The following IFT74 variants were observed in gnomAD, a reference collection of about 807,000 sequenced individuals.
The protein encoded by IFT74 is intraflagellar transport protein 74 homolog.
A neutral mutation model predicts 96.7 loss-of-function variants in IFT74; 92 were observed. The ratio of observed to expected loss-of-function variants is 0.95; its 90% CI spans 0.80 to 1.13. The LOEUF is 1.13. Ranked by LOEUF, IFT74 falls within the 50% of genes most tolerant of loss-of-function variation. The pLI, the probability that IFT74 is intolerant of heterozygous loss-of-function variation, is 0.00. For missense variants in IFT74, 811 were observed against 698.2 expected (o/e 1.16, Z -1.82); for synonymous variants, 223 against 213.2 (o/e 1.05, Z -0.40).
chr9:27,048,489 T>C (rs1307442843), intron 16 of IFT74, among the ~76,000 whole-genome samples: 1 of 152,220 alleles, frequency 6.6e-6, no homozygotes, highest in African/African-American at 2.4e-5. Flanking sequence ...AAGCCTGTGC[T>C]ATATAATTCT....
intron 8 of IFT74, 72 bp downstream of exon 8, chr9:26,990,267 ATTTCCTTGTAAAT>A: frequency 1.4e-6 from 1 of 732,136 alleles, no homozygotes; most frequent in Non-Finnish European, 2.1e-6. Context: ...TGATCCAGTT[ATTTCCTTGTAAAT>A]TTTCTTAACA....
chr9:27,052,589 C>A, intron 16 of IFT74, among the ~76,000 whole-genome samples: 1 of 149,976 alleles, frequency 6.7e-6, no homozygotes, highest in East Asian at 2.0e-4. Flanking sequence ...AAACTGGCTT[C>A]AATGGAGATA....
intron 4 of IFT74, among the ~76,000 whole-genome samples, chr9:26,982,084 G>GT (rs113300059): frequency 3.3e-5 from 5 of 151,204 alleles, no homozygotes; most frequent in South Asian, 2.1e-4. Flanking sequence ...AATCTTCTAT[G>GT]TTTTTTTTCA....
At chr9:26,960,806 C>T (rs940696737) in intron 1 of IFT74, among the ~76,000 whole-genome samples, 6 of 151,728 alleles carry the variant, frequency 4.0e-5, no homozygotes, top group African/African-American at 1.5e-4. Flanking sequence ...TGACAAGCTC[C>T]ATGTCTCGCC....
rs112977512 is a variant in IFT74, at chr9:26,989,113, G to A, written c.525+385G>A. Among the ~76,000 whole-genome samples the A allele has an allele frequency of 1.0e-3, 155 of 152,138 alleles. 1 individual carries two copies. The highest frequency in any genetic ancestry group is 2.0e-3 in the Non-Finnish European group (133 of 68,020). The stretch of plus-strand genomic sequence containing the variant: ...TTACATAGTTTTTGTCACCAGTGGA[G>A]AAAAATGAATAGATATGACTCCAGA... On this transcript the variant is annotated intron_variant, in intron 7 of 19. Transcript: ENST00000380062.
chr9:26,949,363 A>G (rs1202621031), intron 1 of IFT74, among the ~76,000 whole-genome samples: 1 of 152,196 alleles, frequency 6.6e-6, no homozygotes, highest in Non-Finnish European at 1.5e-5. Context: ...CCAGCTCTGG[A>G]GCCCAACTCA....
chr9:26,988,043 C>T lies in IFT74; in HGVS notation c.466-626C>T, dbSNP rs1052103588. On this transcript the variant is annotated intron_variant, in intron 6 of 19. Transcript: ENST00000380062. Reference sequence around the variant, plus strand: ...TCTCGGCTCACCGCAACCTCTGCTTCCCGGGTTCAAGCGATTCTCCTGCCT... The same window carrying T: ...TCTCGGCTCACCGCAACCTCTGCTTTCCGGGTTCAAGCGATTCTCCTGCCT... Among the ~76,000 whole-genome samples the T allele has an allele frequency of 2.0e-5, 3 of 152,058 alleles. No homozygotes were observed. The East Asian group carries it at 5.8e-4, about 29-fold the overall frequency.
intron 5 of IFT74, 69 bp downstream of exon 5, chr9:26,984,424 ATT>A: frequency 6.3e-7 from 1 of 1,579,888 alleles, no homozygotes; most frequent in South Asian, 1.1e-5. Flanking sequence ...AGCTATCCAT[ATT>A]GTTTGTAATG....
At chr9:27,043,858 A>G (rs950199146) in intron 13 of IFT74, among the ~76,000 whole-genome samples, 7 of 152,198 alleles carry the variant, frequency 4.6e-5, no homozygotes, top group African/African-American at 7.2e-5. Flanking sequence ...GGCAGCTTTC[A>G]TCTTTCACCC....
intron 9 of IFT74, among the ~76,000 whole-genome samples, chr9:27,009,561 T>C (rs748226171): frequency 2.0e-5 from 3 of 152,076 alleles, no homozygotes; most frequent in Non-Finnish European, 4.4e-5. Flanking sequence ...ATACTTGCAG[T>C]TACAGACTTT....
intron 14 of IFT74, 134 bp from the exon 15 acceptor site, chr9:27,047,140 C>T (rs778533792): frequency 6.7e-5 from 35 of 523,422 alleles, no homozygotes; most frequent in Non-Finnish European, 1.1e-4. Flanking sequence ...CCACTGCACT[C>T]CAGCCTGGCA....
At chr9:26,961,311 C>T (rs989004925) in intron 1 of IFT74, among the ~76,000 whole-genome samples, 12 of 152,038 alleles carry the variant, frequency 7.9e-5, no homozygotes, top group African/African-American at 2.7e-4. Flanking sequence ...AGGATGGTCT[C>T]CATCTGCTGA....
At chr9:26,954,403 T>C (rs1826018110), upstream of IFT74, among the ~76,000 whole-genome samples, 1 of 152,200 alleles carries the variant, frequency 6.6e-6, no homozygotes, top group South Asian at 2.1e-4. Flanking sequence ...GCATTTACTC[T>C]CTGAAAGCTT....
intron 3 of IFT74, 89 bp from the exon 4 acceptor site, chr9:26,980,482 T>C: frequency 1.3e-6 from 1 of 799,710 alleles, no homozygotes. Context: ...GTCTTGAGAA[T>C]TGTGGAGTGT....
intron 16 of IFT74, among the ~76,000 whole-genome samples, chr9:27,051,333 T>G (rs1819911794): frequency 6.6e-6 from 1 of 152,068 alleles, no homozygotes; most frequent in Non-Finnish European, 1.5e-5. Flanking sequence ...TTGCCGTAGT[T>G]TTTTTTTGTA....
chr9:27,046,290 C>G (rs1819700419), intron 14 of IFT74, among the ~76,000 whole-genome samples: 1 of 151,968 alleles, frequency 6.6e-6, no homozygotes, highest in African/African-American at 2.4e-5. Flanking sequence ...TCCTCTACCA[C>G]CATATTCAAA....
chr9:26,995,401 G>T, intron 8 of IFT74: 5 of 626,776 alleles, frequency 8.0e-6, no homozygotes, highest in Non-Finnish European at 1.4e-5. Flanking sequence ...TGATATTCAT[G>T]TATGTTGTCA....
chr9:27,038,108 A>G (rs933046849), intron 13 of IFT74, among the ~76,000 whole-genome samples: 1 of 152,216 alleles, frequency 6.6e-6, no homozygotes, highest in Non-Finnish European at 1.5e-5. Context: ...GAAGAGCTTT[A>G]CAATTGCAAA....
rs10967631 is a variant in IFT74, at chr9:26,968,346, C to T, written c.120+6259C>T. 5.1e-3 allele frequency among the ~76,000 whole-genome samples: 770 copies of T among 151,952 alleles called. 46 individuals carry two copies. The East Asian group carries it at 0.13, about 25-fold the overall frequency. On this transcript the variant is annotated intron_variant, in intron 2 of 19. Transcript: ENST00000380062. ...ACGCAATCTCTGCTCACTACAACCT[C>T]TGCCTCCCGGGTTCAAGCGATTCTC...
Sources: allele counts gnomAD v4.1 joint callset (sites outside exome capture counted in the v4.1 genomes callset), GRCh38; gene constraint gnomAD v4.1.1; transcripts MANE v1.5; gene names NCBI Gene and HGNC (gene_info 2026-07-23, HGNC 2026-07-21).